PTGER3: variants seen among roughly 807,000 people sequenced by gnomAD.
The protein encoded by PTGER3 is prostaglandin E2 receptor EP3 subtype.
PTGER3 carries 22 observed loss-of-function variants against 34.7 expected under a neutral mutation model. The ratio of observed to expected loss-of-function variants is 0.63; its 90% CI spans 0.45 to 0.91. PTGER3 has a LOEUF of 0.91. Ranked by LOEUF, PTGER3 falls within the 40% of genes least tolerant of loss-of-function variation. PTGER3 has a pLI of 0.00. For missense variants in PTGER3, 468 were observed against 519.4 expected (o/e 0.90, Z 0.96); for synonymous variants, 241 against 230.1 (o/e 1.05, Z -0.43).
chr1:70,890,839 A>G (rs1021394191), intron 4 of PTGER3, among the ~76,000 whole-genome samples: 9 of 152,196 alleles, frequency 5.9e-5, no homozygotes, highest in Non-Finnish European at 4.4e-5. Context: ...AGATATGGCT[A>G]TGGTTTTTCC....
At position 71,041,711 on chromosome 1, in the gene PTGER3, GA is replaced by G. The variant is rs563443904; in HGVS notation, c.897+4969del. 1.0e-3 allele frequency among the ~76,000 whole-genome samples: 158 copies of G among 152,190 alleles called. No individual in the cohort carries two copies. In the South Asian group the frequency reaches 0.031, roughly 30 times the overall value. ...TTCCTGTCTTTTTGTAAAGCAATTG[GA>G]AAAAATGGGAGAGTAAGAATTTGAC... On this transcript the variant is annotated intron_variant, in intron 1 of 3. Transcript: ENST00000306666.
chr1:70,979,259 A>G (rs1654011775), intron 2 of PTGER3, among the ~76,000 whole-genome samples: 2 of 151,918 alleles, frequency 1.3e-5, no homozygotes, highest in Non-Finnish European at 2.9e-5. Context: ...CATTTTTTAT[A>G]TGCAATGTCT....
intron 2 of PTGER3, among the ~76,000 whole-genome samples, chr1:70,980,302 T>C (rs1046509902): frequency 6.6e-6 from 1 of 152,088 alleles, no homozygotes; most frequent in Non-Finnish European, 1.5e-5. Context: ...CCAAAAACCT[T>C]AGGCAGGAAG....
chr1:70,916,451 T>C (rs1477295962), intron 4 of PTGER3, among the ~76,000 whole-genome samples: 1 of 152,100 alleles, frequency 6.6e-6, no homozygotes, highest in South Asian at 2.1e-4. Flanking sequence ...CCCCATGCTA[T>C]TCACAACAGC....
At chr1:70,913,972 TGCCAGCTTTATAGAA>T (rs1647118427) in intron 4 of PTGER3, among the ~76,000 whole-genome samples, 1 of 151,916 alleles carries the variant, frequency 6.6e-6, no homozygotes, top group South Asian at 2.1e-4. Context: ...ATCAGAGTAA[TGCCAGCTTTATAGAA>T]GCCAGCTTTA....
intron 4 of PTGER3, among the ~76,000 whole-genome samples, chr1:70,917,078 A>G (rs993684658): frequency 3.3e-5 from 5 of 152,030 alleles, no homozygotes; most frequent in Non-Finnish European, 2.9e-5. Flanking sequence ...TATACACTAC[A>G]TTGTTATTTG....
At chr1:70,876,604 T>C (rs1049870086) in intron 4 of PTGER3, among the ~76,000 whole-genome samples, 1 of 152,140 alleles carries the variant, frequency 6.6e-6, no homozygotes, top group Non-Finnish European at 1.5e-5. Context: ...CATTTAAGCC[T>C]TTAATCCATC....
chr1:70,858,065 A>G (rs1244406670), intron 4 of PTGER3, among the ~76,000 whole-genome samples: 1 of 152,216 alleles, frequency 6.6e-6, no homozygotes, highest in Admixed American at 6.5e-5. Context: ...AACCACTGAT[A>G]TATTTGCTCA....
At chr1:71,001,926 A>G (rs1228910780) in intron 2 of PTGER3, among the ~76,000 whole-genome samples, 2 of 152,200 alleles carry the variant, frequency 1.3e-5, no homozygotes, top group African/African-American at 4.8e-5. Flanking sequence ...AATGAAATGA[A>G]TATAACAAAG....
chr1:70,921,481 A>C (rs1438020208), intron 4 of PTGER3, among the ~76,000 whole-genome samples: 1 of 152,136 alleles, frequency 6.6e-6, no homozygotes, highest in Non-Finnish European at 1.5e-5. Context: ...TTGTGAGGCT[A>C]GTCATAGGCT....
At chr1:70,934,647 C>A (rs1649033867) in intron 4 of PTGER3, among the ~76,000 whole-genome samples, 1 of 152,084 alleles carries the variant, frequency 6.6e-6, no homozygotes, top group Admixed American at 6.6e-5. Flanking sequence ...ATTAGGATGT[C>A]TCCATTGATA....
intron 4 of PTGER3, among the ~76,000 whole-genome samples, chr1:70,879,213 A>G (rs1439420988): frequency 6.6e-6 from 1 of 151,702 alleles, no homozygotes; most frequent in Non-Finnish European, 1.5e-5. Context: ...AACTCTTTGT[A>G]ATTATGTAAT....
rs752240880 is a variant in PTGER3 at position 70,862,323 on chromosome 1, T to C, written c.*24-9464A>G. 9 of 1,362,998 alleles carry C rather than the reference T, an allele frequency of 6.6e-6. No homozygotes were observed. In the South Asian group the frequency reaches 1.0e-4, roughly 16 times the overall value. 84.4% of individuals were successfully genotyped at this position (1,362,998 alleles called of 1,614,324 possible). On this transcript the variant is annotated intron_variant, in intron 4 of 4. Transcript: ENST00000370931. ...GACTTACATCTGCTGTCAAAATAGT[T>C]CACAGATACTTCATCCCAGGGTTAG... is the stretch of plus-strand genomic sequence containing the variant.
chr1:70,936,296 AGAAAGTG>A, intron 4 of PTGER3, among the ~76,000 whole-genome samples: 1 of 152,204 alleles, frequency 6.6e-6, no homozygotes, highest in African/African-American at 2.4e-5. Context: ...CTGCAGAGGT[AGAAAGTG>A]CACTTTCCAG....
downstream of PTGER3, chr1:70,970,699 A>G (rs898399391): frequency 1.4e-5 from 4 of 283,836 alleles, no homozygotes; most frequent in Non-Finnish European, 2.1e-5. Context: ...AGAGAAAAAA[A>G]AGGACAAGAA....
At chr1:70,901,007 A>G (rs559740423) in intron 4 of PTGER3, among the ~76,000 whole-genome samples, 227 of 152,288 alleles carry the variant, frequency 1.5e-3, no homozygotes, top group African/African-American at 5.1e-3. Flanking sequence ...GTGAGGTTCA[A>G]ATGGACTTCT....
intron 4 of PTGER3, among the ~76,000 whole-genome samples, chr1:70,910,811 C>T (rs1429318954): frequency 6.6e-6 from 1 of 152,116 alleles, no homozygotes; most frequent in Non-Finnish European, 1.5e-5. Flanking sequence ...CGGCCGGGGC[C>T]ATGGCTCACG....
chr1:70,874,729 C>G (rs534545114), intron 4 of PTGER3, among the ~76,000 whole-genome samples: 35 of 152,052 alleles, frequency 2.3e-4, no homozygotes, highest in Admixed American at 3.9e-4. Context: ...CTGTTTGTTC[C>G]CTTCCAGAAC....
chr1:70,976,663 G>A (rs1325178954), intron 2 of PTGER3, among the ~76,000 whole-genome samples: 2 of 152,052 alleles, frequency 1.3e-5, no homozygotes, highest in East Asian at 1.9e-4. Flanking sequence ...ATCTTTGAAA[G>A]TTTCCCATTT....
Sources: allele counts gnomAD v4.1 joint callset (sites outside exome capture counted in the v4.1 genomes callset), GRCh38; gene constraint gnomAD v4.1.1; transcripts MANE v1.5; gene names NCBI Gene and HGNC (gene_info 2026-07-23, HGNC 2026-07-21).